PRKG1: variants seen among roughly 807,000 people sequenced by gnomAD.
The protein encoded by PRKG1 is protein kinase cGMP-dependent 1.
A neutral mutation model predicts 88.1 loss-of-function variants in PRKG1; 35 were observed. The observed-to-expected ratio is 0.40, with a 90% CI of 0.30 to 0.53. The LOEUF (loss-of-function observed/expected upper bound fraction) is 0.53. Ranked by LOEUF, PRKG1 falls within the 20% of genes least tolerant of loss-of-function variation. The pLI, the probability that PRKG1 is intolerant of heterozygous loss-of-function variation, is 0.59. For synonymous variants in PRKG1, 303 were observed against 292.5 expected (o/e 1.04, Z -0.37); for missense variants, 540 against 839.8 (o/e 0.64, Z 4.41).
chr10:51,570,285 C>T (rs1481754620), intron 3 of PRKG1, among the ~76,000 whole-genome samples: 3 of 151,564 alleles, frequency 2.0e-5, no homozygotes, highest in Non-Finnish European at 2.9e-5. Flanking sequence ...GAAACCTTAC[C>T]TATGACAGGA....
intron 9 of PRKG1, among the ~76,000 whole-genome samples, chr10:52,207,781 C>G (rs530174644): frequency 3.3e-4 from 51 of 152,260 alleles, no homozygotes; most frequent in Non-Finnish European, 2.9e-5. Context: ...CGGGAGTGAG[C>G]CCCATTGCTC....
chr10:52,276,396 T>C (rs1841875558), intron 12 of PRKG1, among the ~76,000 whole-genome samples: 1 of 152,174 alleles, frequency 6.6e-6, no homozygotes, highest in South Asian at 2.1e-4. Flanking sequence ...TGATTGTTGT[T>C]ACTCGTCAAT....
At chr10:52,003,015 A>G (rs76837888) in intron 5 of PRKG1, among the ~76,000 whole-genome samples, 2,661 of 152,236 alleles carry the variant, frequency 0.017, 64 homozygotes, top group African/African-American at 0.055. Flanking sequence ...GCTGTGTCTC[A>G]TTTACCGTTC....
intron 3 of PRKG1, among the ~76,000 whole-genome samples, chr10:51,684,442 T>C (rs1434174313): frequency 6.6e-6 from 1 of 152,066 alleles, no homozygotes; most frequent in Non-Finnish European, 1.5e-5. Context: ...AACCATTACA[T>C]TGGATGCTTT....
At chr10:52,200,874 C>A (rs1242930634) in intron 9 of PRKG1, among the ~76,000 whole-genome samples, 1 of 152,072 alleles carries the variant, frequency 6.6e-6, no homozygotes, top group East Asian at 1.9e-4. Context: ...AGTATCTGGT[C>A]ATGTCCTTTG....
chr10:51,728,461 T>TGTTTTTTTTG (rs113455569), intron 3 of PRKG1, among the ~76,000 whole-genome samples: 1 of 141,026 alleles, frequency 7.1e-6, no homozygotes, highest in Non-Finnish European at 1.5e-5. Context: ...TTGTTTTTTT[T>TGTTTTTTTTG]TTTTTTTTTT....
intron 2 of PRKG1, among the ~76,000 whole-genome samples, chr10:51,208,931 C>T (rs985928671): frequency 2.6e-5 from 4 of 152,144 alleles, no homozygotes; most frequent in Non-Finnish European, 5.9e-5. Flanking sequence ...GTGTTCTCAT[C>T]AATTTATTTC....
At chr10:51,354,610 A>G (rs1318320208) in intron 2 of PRKG1, among the ~76,000 whole-genome samples, 1 of 152,144 alleles carries the variant, frequency 6.6e-6, no homozygotes, top group African/African-American at 2.4e-5. Context: ...ACATCAGAAT[A>G]GTCTAACATC....
At chr10:51,016,691 T>TTTTTTTTTTTTTTTC (rs1220498758) in intron 1 of PRKG1, among the ~76,000 whole-genome samples, 1 of 132,334 alleles carries the variant, frequency 7.6e-6, no homozygotes, top group Admixed American at 7.7e-5. Context: ...TTTTTTTTTT[T>TTTTTTTTTTTTTTTC]TGGAATCTTG....
intron 4 of PRKG1, among the ~76,000 whole-genome samples, chr10:51,852,921 G>A (rs2132811257): frequency 6.6e-6 from 1 of 152,210 alleles, no homozygotes; most frequent in Admixed American, 6.6e-5. Context: ...GATTTTATCA[G>A]TTCCTTCAAG....
intron 1 of PRKG1, among the ~76,000 whole-genome samples, chr10:51,106,411 G>A (rs530745778): frequency 1.3e-5 from 2 of 152,270 alleles, no homozygotes; most frequent in South Asian, 2.1e-4. Context: ...ACAGCTTTAC[G>A]TGAGGAAGAA....
chr10:52,095,426 T>C (rs542656239), intron 7 of PRKG1, among the ~76,000 whole-genome samples: 232 of 152,300 alleles, frequency 1.5e-3, no homozygotes, highest in African/African-American at 5.4e-3. Context: ...TGATATATTA[T>C]GTAATATGTT....
chr10:51,913,017 C>T lies in PRKG1; in HGVS notation c.762+5447C>T, dbSNP rs58747074. 9.2e-3 allele frequency among the ~76,000 whole-genome samples: 1,394 copies of T among 152,236 alleles called. 12 individuals are homozygous for T. Among genetic ancestry groups the T allele is most frequent in the Non-Finnish European group, 0.013 (898 of 68,022 alleles). On this transcript the variant is annotated intron_variant, in intron 5 of 17. Transcript: ENST00000373980. ...GATCTCAGCTCACTGCAACCTTCAT[C>T]GCCCCGTTTCAAGAGATTTTTGTGC...
chr10:51,953,023 TTGC>T (rs1366694879), intron 5 of PRKG1, among the ~76,000 whole-genome samples: 1 of 152,220 alleles, frequency 6.6e-6, no homozygotes, highest in Non-Finnish European at 1.5e-5. Context: ...TAAATGCCCT[TTGC>T]TCAAATGCAT....
At chr10:51,918,343 TA>T (rs879694704) in intron 5 of PRKG1, among the ~76,000 whole-genome samples, 52 of 145,190 alleles carry the variant, frequency 3.6e-4, no homozygotes, top group Non-Finnish European at 6.5e-4. Context: ...ATTTTTTTTT[TA>T]TTTTTTTTTT....
At chr10:51,177,031 G>T (rs983854410) in intron 2 of PRKG1, among the ~76,000 whole-genome samples, 6 of 152,136 alleles carry the variant, frequency 3.9e-5, no homozygotes, top group African/African-American at 1.4e-4. Context: ...TTTAGAGTTT[G>T]GATAAGTCAG....
At chr10:51,264,383 G>A (rs11599431) in intron 2 of PRKG1, among the ~76,000 whole-genome samples, 136 of 152,132 alleles carry the variant, frequency 8.9e-4, no homozygotes, top group Non-Finnish European at 1.7e-3. Context: ...ACCATGTCCT[G>A]TAAAAGCTTG....
chr10:52,244,063 A>G (rs979685235), intron 9 of PRKG1, among the ~76,000 whole-genome samples: 5 of 152,258 alleles, frequency 3.3e-5, no homozygotes, highest in African/African-American at 1.2e-4. Flanking sequence ...CAGATTCATT[A>G]AATTACTTTT....
At chr10:51,683,293 C>T (rs1339827976) in intron 3 of PRKG1, among the ~76,000 whole-genome samples, 2 of 152,010 alleles carry the variant, frequency 1.3e-5, no homozygotes, top group East Asian at 3.9e-4. Flanking sequence ...CTACTCCAGC[C>T]TCTGCAAGGG....
Sources: allele counts gnomAD v4.1 joint callset (sites outside exome capture counted in the v4.1 genomes callset), GRCh38; gene constraint gnomAD v4.1.1; transcripts MANE v1.5; gene names NCBI Gene and HGNC (gene_info 2026-07-23, HGNC 2026-07-21).